MYH9: variants seen among roughly 807,000 people sequenced by gnomAD.
The protein encoded by MYH9 is myosin heavy chain 9.
MYH9 carries 29 observed loss-of-function variants against 241.9 expected under a neutral mutation model. The observed-to-expected ratio is 0.12, with a 90% CI of 0.09 to 0.16. The LOEUF (loss-of-function observed/expected upper bound fraction) is 0.16. Among genes scored for constraint, MYH9 ranks in the 10% least tolerant of loss-of-function variants. The pLI is 1.00. For missense variants in MYH9, 1,803 were observed against 2,595.5 expected (o/e 0.69, Z 6.63); for synonymous variants, 1,047 against 1,062.6 (o/e 0.99, Z 0.29).
At chr22:36,334,897 GA>G (rs1237021703) in intron 3 of MYH9, among the ~76,000 whole-genome samples, 1 of 152,154 alleles carries the variant, frequency 6.6e-6, no homozygotes, top group Non-Finnish European at 1.5e-5. Context: ...TTGCAGTTAG[GA>G]AGCTAAAGAG....
chr22:36,378,381 A>G (rs1455834584), intron 1 of MYH9, among the ~76,000 whole-genome samples: 1 of 152,180 alleles, frequency 6.6e-6, no homozygotes, highest in East Asian at 1.9e-4. Flanking sequence ...GGGAAAACTA[A>G]GGCGAGCAGC....
Position 36,295,028 on chromosome 22 carries a change from C to T in MYH9, c.3534G>A (p.Glu1178=), listed in dbSNP as rs961497299. ...EVNILKKTLE[E]EAKTHEAQIQ... is the part of the protein sequence containing the mutation. ...TCTGGGCCTCGTGGGTCTTGGCCTCCTCCTCCAGGGTCTTCTTCAGGATGT... is the reference window on the plus strand; with the variant it reads ...TCTGGGCCTCGTGGGTCTTGGCCTCTTCCTCCAGGGTCTTCTTCAGGATGT... Residue 1178 remains glutamate (E), a synonymous_variant, in exon 27 of 41, where the codon GAG becomes GAA. Transcript: ENST00000216181. This position sits in a 1 kb window ranked among gnomAD's most constrained non-coding sequence, Gnocchi z 4.1. The T allele has an allele frequency of 6.2e-7, 1 of 1,614,198 alleles. No homozygotes were observed. Among genetic ancestry groups the T allele is most frequent in the Non-Finnish European group, 8.5e-7 (1 of 1,180,036 alleles).
At chr22:36,291,918 G>C in intron 31 of MYH9, 68 bp downstream of exon 31, 3 of 1,609,766 alleles carry the variant, frequency 1.9e-6, no homozygotes, top group Non-Finnish European at 2.5e-6. Context: ...TTCTCTGATG[G>C]GCCCTTTGCT....
intron 1 of MYH9, among the ~76,000 whole-genome samples, chr22:36,384,860 C>T (rs1252285940): frequency 6.6e-6 from 1 of 151,564 alleles, no homozygotes; most frequent in Non-Finnish European, 1.5e-5. Flanking sequence ...TTTCCACTAC[C>T]CCACTCTTCC....
At chr22:36,357,570 T>G (rs1246795748) in intron 1 of MYH9, among the ~76,000 whole-genome samples, 1 of 152,080 alleles carries the variant, frequency 6.6e-6, no homozygotes, top group African/African-American at 2.4e-5. Context: ...AATTGGGGGT[T>G]GCGGGGGAAG....
chr22:36,322,002 G>T, intron 6 of MYH9, 181 bp from the exon 7 acceptor site: 1 of 652,614 alleles, frequency 1.5e-6, no homozygotes, highest in South Asian at 1.7e-5. Flanking sequence ...ACGGGACCTC[G>T]GGACTCAGGC....
chr22:36,298,231 G>A (rs2146340997), intron 24 of MYH9, among the ~76,000 whole-genome samples: 1 of 152,250 alleles, frequency 6.6e-6, no homozygotes, highest in Middle Eastern at 3.4e-3. Flanking sequence ...TCCCAGAGTA[G>A]TCGGGGTTCC....
In MYH9 at chr22:36,292,083, G is replaced by A. The variant is rs758626716; in HGVS notation, c.4247C>T (p.Thr1416Met). 132 of 1,614,042 alleles carry A rather than the reference G, an allele frequency of 8.2e-5. No homozygotes were observed. Among genetic ancestry groups the A allele is most frequent in the Admixed American group, 3.2e-4 (19 of 60,010 alleles). The part of the protein sequence containing the change: ...AAYDKLEKTK[T>M]RLQQELDDLL... The stretch of plus-strand genomic sequence containing the variant: ...GTCGTCCAGCTCCTGCTGCAGCCGC[G>A]TCTTGGTCTTCTCCAGCTTGTCGTA... Residue 1416 changes from threonine (T) to methionine (M), a missense_variant, in exon 31 of 41, where the codon ACG (threonine) becomes ATG (methionine). Thr to Met is a moderately conservative substitution (Grantham distance 81). Around this residue, in one of 11 missense-constraint regions of MYH9, gnomAD observed 876 missense variants for 1,077.8 expected, o/e 0.81. Coordinates refer to ENST00000216181, the MANE Select transcript of MYH9 (RefSeq NM_002473.6).
chr22:36,334,090 C>CAA (rs34562734), intron 3 of MYH9, among the ~76,000 whole-genome samples: 3 of 119,002 alleles, frequency 2.5e-5, no homozygotes, highest in South Asian at 2.6e-4. Flanking sequence ...GTTGGATTTA[C>CAA]AAAAAAAAAA....
chr22:36,359,449 G>A (rs905001407), intron 1 of MYH9, among the ~76,000 whole-genome samples: 2 of 152,182 alleles, frequency 1.3e-5, no homozygotes, highest in African/African-American at 2.4e-5. Context: ...AACCACACAC[G>A]CGTAAGGGTT....
At position 36,329,777 on chromosome 22, in the gene MYH9, G is replaced by A. The variant is rs184317099; in HGVS notation, c.491-2289C>T. Among the ~76,000 whole-genome samples, 123 of 152,312 alleles carry A rather than the reference G, an allele frequency of 8.1e-4. 1 individual carries two copies. The highest frequency in any genetic ancestry group is 2.9e-3 in the South Asian group (14 of 4,824). On this transcript the variant is annotated intron_variant, in intron 3 of 40. Coordinates refer to ENST00000216181, the MANE Select transcript of MYH9 (RefSeq NM_002473.6). The surrounding 1 kb of genome is among the most constrained non-coding windows in gnomAD (Gnocchi z 4.1). ...CGAGGGCATGCACACAGAGGCGCACGCACGCACAAGGGCATGGACACACAC... is the reference window on the plus strand; with the variant it reads ...CGAGGGCATGCACACAGAGGCGCACACACGCACAAGGGCATGGACACACAC...
intron 1 of MYH9, among the ~76,000 whole-genome samples, chr22:36,358,247 T>C (rs1163650481): frequency 6.6e-6 from 1 of 152,176 alleles, no homozygotes; most frequent in Non-Finnish European, 1.5e-5. Flanking sequence ...TGTATTTTAG[T>C]AGAGATGGGG....
chr22:36,300,019 A>AAGAGACAGGAAGCAGCAGCAGCGG lies in MYH9; in HGVS notation c.2976+84_2976+107dup. 2 of 1,480,644 alleles carry AAGAGACAGGAAGCAGCAGCAGCGG rather than the reference A, an allele frequency of 1.4e-6. No individual in the cohort carries two copies. Among genetic ancestry groups the AAGAGACAGGAAGCAGCAGCAGCGG allele is most frequent in the Non-Finnish European group, 1.9e-6 (2 of 1,073,464 alleles). 91.7% of individuals were successfully genotyped at this position (1,480,644 alleles called of 1,614,324 possible). On this transcript the variant is annotated intron_variant, in intron 23 of 40. Transcript: ENST00000216181. This position sits in a 1 kb window ranked among gnomAD's most constrained non-coding sequence, Gnocchi z 5.0. ...GCAGAAGCCCTCATGCTGCAGGCAG[A>AAGAGACAGGAAGCAGCAGCAGCGG]AGAGACAGGAAGCAGCAGCAGCGGG...
chr22:36,350,396 G>A (rs992562415), intron 1 of MYH9, among the ~76,000 whole-genome samples: 5 of 152,202 alleles, frequency 3.3e-5, no homozygotes, highest in Non-Finnish European at 7.3e-5. Flanking sequence ...AATTAGCAGG[G>A]CGTGGTGGCG....
intron 1 of MYH9, among the ~76,000 whole-genome samples, chr22:36,366,725 G>A (rs532897180): frequency 3.9e-4 from 60 of 152,268 alleles, no homozygotes; most frequent in African/African-American, 1.3e-3. Flanking sequence ...TCCAGGCCCA[G>A]CCCCACACTG....
chr22:36,335,103 C>T (rs368340569), intron 3 of MYH9, among the ~76,000 whole-genome samples: 30 of 152,202 alleles, frequency 2.0e-4, no homozygotes, highest in African/African-American at 5.8e-4. Flanking sequence ...TCTCGAGGCT[C>T]GGTGGGGCGC....
At position 36,301,697 on chromosome 22, in the gene MYH9, C is replaced by T. The variant is rs200930879; in HGVS notation, c.2500-32G>A. 2.9e-4 allele frequency: 468 copies of T among 1,609,410 alleles called. 1 individual carries two copies. The African/African-American group carries it at 5.3e-3, about 18-fold the overall frequency. On this transcript the variant is annotated intron_variant, in intron 20 of 40. Transcript: ENST00000216181. ...GAGGAGATAGAGGTAGAGACATGCT[C>T]GGCTGGAAGATGCCCGCCTCTGCCA... is the stretch of plus-strand genomic sequence containing the variant.
intron 1 of MYH9, among the ~76,000 whole-genome samples, chr22:36,380,645 G>T (rs374800710): frequency 6.6e-6 from 1 of 152,162 alleles, no homozygotes; most frequent in African/African-American, 2.4e-5. Flanking sequence ...GGAGGCTGAG[G>T]CAGGAGAATC....
At chr22:36,308,912 G>A (rs1450846262) in intron 15 of MYH9, 5 of 954,372 alleles carry the variant, frequency 5.2e-6, no homozygotes, top group East Asian at 1.2e-4. Flanking sequence ...CAAAGGAAAA[G>A]GAGAAACCAA....
Sources: gnomAD v4.1 joint callset for allele counts (sites outside exome capture counted in the v4.1 genomes callset) on GRCh38, gnomAD v4.1.1 for gene constraint, gnomAD v4.1.1 regional missense constraint, Gnocchi (gnomAD v3.1) non-coding constraint, MANE v1.5 for transcripts, NCBI Gene and HGNC (gene_info 2026-07-23, HGNC 2026-07-21) for gene names.